NRXN3: variants seen among roughly 807,000 people sequenced by gnomAD.
NRXN3 encodes neurexin III.
NRXN3 carries 32 observed loss-of-function variants against 137.6 expected under a neutral mutation model. The observed-to-expected ratio is 0.23, with a 90% CI of 0.18 to 0.31. The LOEUF (loss-of-function observed/expected upper bound fraction) is 0.31. Among genes scored for constraint, NRXN3 ranks in the 10% least tolerant of loss-of-function variants. The pLI is 1.00. For synonymous variants in NRXN3, 798 were observed against 784.5 expected (o/e 1.02, Z -0.29); for missense variants, 1,574 against 2,062.5 (o/e 0.76, Z 4.59).
At chr14:78,472,010 G>A (rs2095284417) in intron 4 of NRXN3, among the ~76,000 whole-genome samples, 1 of 152,186 alleles carries the variant, frequency 6.6e-6, no homozygotes, top group African/African-American at 2.4e-5. Flanking sequence ...AAAGAAAGTG[G>A]CTGTAAAAGA....
At chr14:79,137,658 G>T (rs1028909206) in intron 15 of NRXN3, among the ~76,000 whole-genome samples, 1 of 152,066 alleles carries the variant, frequency 6.6e-6, no homozygotes, top group South Asian at 2.1e-4. Context: ...ATGCCTTTTT[G>T]AATATTTATT....
intron 15 of NRXN3, among the ~76,000 whole-genome samples, chr14:79,274,101 C>CA (rs569693397): frequency 0.053 from 3,920 of 74,068 alleles, 83 homozygotes; most frequent in South Asian, 0.12. Flanking sequence ...GACTCCGTCT[C>CA]AAAAAAAAAA....
chr14:78,434,632 T>A (rs1030873047), intron 4 of NRXN3, among the ~76,000 whole-genome samples: 2 of 152,100 alleles, frequency 1.3e-5, no homozygotes, highest in Non-Finnish European at 2.9e-5. Context: ...AAGGTGAGGG[T>A]CATTGGAGGT....
intron 2 of NRXN3, among the ~76,000 whole-genome samples, chr14:78,276,093 T>C (rs2073550182): frequency 6.6e-6 from 1 of 152,222 alleles, no homozygotes; most frequent in Non-Finnish European, 1.5e-5. Context: ...GAACTGAGCT[T>C]GGACCTTGAT....
At chr14:78,611,957 T>C (rs1033198721) in intron 4 of NRXN3, among the ~76,000 whole-genome samples, 9 of 152,226 alleles carry the variant, frequency 5.9e-5, no homozygotes, top group African/African-American at 2.2e-4. Flanking sequence ...AAGACGTCTA[T>C]CTGCTCATTA....
chr14:79,814,998 A>G (rs1166245191), intron 20 of NRXN3, among the ~76,000 whole-genome samples: 3 of 152,088 alleles, frequency 2.0e-5, no homozygotes, highest in Non-Finnish European at 4.4e-5. Context: ...TTACTTTTTT[A>G]TTTTTTAATT....
intron 15 of NRXN3, among the ~76,000 whole-genome samples, chr14:79,122,759 T>C (rs948387269): frequency 3.9e-5 from 6 of 152,290 alleles, no homozygotes; most frequent in Non-Finnish European, 8.8e-5. Flanking sequence ...CTTTACCAAG[T>C]GCCTATTACG....
chr14:79,490,706 A>G (rs749061940), intron 16 of NRXN3, among the ~76,000 whole-genome samples: 7 of 151,982 alleles, frequency 4.6e-5, no homozygotes, highest in Non-Finnish European at 7.4e-5. Context: ...GGGGTGGTTA[A>G]TGAGTATTAA....
At chr14:79,558,802 A>G (rs948047730) in intron 16 of NRXN3, among the ~76,000 whole-genome samples, 5 of 152,168 alleles carry the variant, frequency 3.3e-5, no homozygotes, top group African/African-American at 9.6e-5. Context: ...ACCTTCGTCC[A>G]GCAGAAGACT....
chr14:79,693,854 A>G (rs2154026799), intron 18 of NRXN3, among the ~76,000 whole-genome samples: 1 of 152,140 alleles, frequency 6.6e-6, no homozygotes, highest in East Asian at 1.9e-4. Flanking sequence ...ATATATGCAT[A>G]TAAATCTGAA....
At chr14:79,172,916 C>T (rs1427967675) in intron 15 of NRXN3, among the ~76,000 whole-genome samples, 1 of 152,120 alleles carries the variant, frequency 6.6e-6, no homozygotes, top group Non-Finnish European at 1.5e-5. Flanking sequence ...GAAATTTTCC[C>T]CAGCATACAT....
At chr14:79,610,359 C>T (rs929720975) in intron 16 of NRXN3, among the ~76,000 whole-genome samples, 2 of 152,028 alleles carry the variant, frequency 1.3e-5, no homozygotes, top group African/African-American at 4.8e-5. Context: ...TGTGAAATTC[C>T]TCATATGGTT....
At chr14:79,404,955 T>A (rs4903854) in intron 15 of NRXN3, among the ~76,000 whole-genome samples, 115,433 of 151,922 alleles carry the variant, frequency 0.76, 44,079 homozygotes, top group Middle Eastern at 0.87. Flanking sequence ...TGGGTGGTGG[T>A]GAGAGATGGG....
intron 14 of NRXN3, among the ~76,000 whole-genome samples, chr14:78,974,340 T>C (rs1265797452): frequency 6.6e-6 from 1 of 152,216 alleles, no homozygotes; most frequent in Non-Finnish European, 1.5e-5. Context: ...TCCCTGACTT[T>C]ACTATCACGC....
At chr14:79,667,401 G>A (rs1156727810) in intron 17 of NRXN3, among the ~76,000 whole-genome samples, 1 of 151,924 alleles carries the variant, frequency 6.6e-6, no homozygotes, top group Non-Finnish European at 1.5e-5. Flanking sequence ...AATTGTTCCT[G>A]CCTACAAGGT....
intron 9 of NRXN3, among the ~76,000 whole-genome samples, chr14:78,808,983 T>G (rs899768465): frequency 5.9e-5 from 9 of 152,120 alleles, no homozygotes; most frequent in African/African-American, 1.9e-4. Context: ...CTTCTACCTT[T>G]TAGTATCTAA....
intron 4 of NRXN3, among the ~76,000 whole-genome samples, chr14:78,497,533 G>A (rs186402923): frequency 3.3e-5 from 5 of 152,174 alleles, no homozygotes; most frequent in Admixed American, 3.3e-4. Context: ...CTGCTGCTCT[G>A]TTTCCTGCTG....
intron 6 of NRXN3, among the ~76,000 whole-genome samples, chr14:78,665,758 C>A (rs1041022530): frequency 2.0e-5 from 3 of 152,126 alleles, no homozygotes; most frequent in Non-Finnish European, 4.4e-5. Flanking sequence ...TTGGCACATT[C>A]AAGAAAAGTC....
At chr14:78,577,833 T>C (rs796662214) in intron 4 of NRXN3, among the ~76,000 whole-genome samples, 8 of 152,330 alleles carry the variant, frequency 5.3e-5, no homozygotes, top group African/African-American at 1.9e-4. Context: ...AACTGACTAA[T>C]GCCCAGTTCT....
Sources: allele counts gnomAD v4.1 joint callset (sites outside exome capture counted in the v4.1 genomes callset), GRCh38; gene constraint gnomAD v4.1.1; transcripts MANE v1.5; gene names NCBI Gene and HGNC (gene_info 2026-07-23, HGNC 2026-07-21).